The following ZFPM2 variants were observed in gnomAD, a reference collection of about 807,000 sequenced individuals.
The protein encoded by ZFPM2 is zinc finger protein, FOG family member 2.
ZFPM2 carries 20 observed loss-of-function variants against 98.6 expected under a neutral mutation model. The ratio of observed to expected loss-of-function variants is 0.20; its 90% CI spans 0.14 to 0.29. The LOEUF (loss-of-function observed/expected upper bound fraction) is 0.29, where lower values mean the gene tolerates loss of function less well. Ranked by LOEUF, ZFPM2 falls within the 10% of genes least tolerant of loss-of-function variation. The probability of loss-of-function intolerance (pLI) is 1.00; values close to 1 mark genes in which losing one functional copy is unlikely to be tolerated. For missense variants in ZFPM2, 1,310 were observed against 1,388.6 expected, an observed-to-expected ratio of 0.94 and a Z score of 0.90; for synonymous variants, 518 against 502.7, an observed-to-expected ratio of 1.03 and a Z score of -0.41.
intron 4 of ZFPM2, among the ~76,000 whole-genome samples, chr8:105,620,288 A>G (rs1027058960): frequency 4.4e-4 from 67 of 152,214 alleles, no homozygotes; most frequent in African/African-American, 1.6e-3. Flanking sequence ...GCCAGTGATG[A>G]TGAGCATTTT....
chr8:105,745,596 C>T (rs1812324384), intron 5 of ZFPM2, among the ~76,000 whole-genome samples: 1 of 151,998 alleles, frequency 6.6e-6, no homozygotes, highest in Non-Finnish European at 1.5e-5. Context: ...TTTTAGCTTG[C>T]TTCACTTTTG....
chr8:105,441,059 G>A (rs1378728824), intron 2 of ZFPM2, among the ~76,000 whole-genome samples: 2 of 152,084 alleles, frequency 1.3e-5, no homozygotes, highest in African/African-American at 4.8e-5. Context: ...GGAGGCTGAG[G>A]CAGAAGAATC....
chr8:105,422,068 A>AG (rs1260533986), intron 2 of ZFPM2, among the ~76,000 whole-genome samples: 9 of 151,692 alleles, frequency 5.9e-5, no homozygotes, highest in Non-Finnish European at 1.3e-4. Context: ...AAAAAAAAAA[A>AG]AGGTAGAAGT....
At chr8:105,433,661 C>G (rs1812063248) in intron 2 of ZFPM2, among the ~76,000 whole-genome samples, 1 of 152,032 alleles carries the variant, frequency 6.6e-6, no homozygotes, top group Non-Finnish European at 1.5e-5. Context: ...GTGGCGGGAG[C>G]CTGTAGTCCC....
chr8:105,593,971 C>T (rs1815909798), intron 4 of ZFPM2, among the ~76,000 whole-genome samples: 1 of 152,148 alleles, frequency 6.6e-6, no homozygotes, highest in Non-Finnish European at 1.5e-5. Flanking sequence ...AACAGTGCTC[C>T]TCTGCTGACC....
intron 4 of ZFPM2, among the ~76,000 whole-genome samples, chr8:105,610,707 C>T (rs886277805): frequency 2.6e-5 from 4 of 152,024 alleles, no homozygotes; most frequent in Non-Finnish European, 5.9e-5. Context: ...AAGAGTGGAC[C>T]AGTGACACTA....
intron 3 of ZFPM2, among the ~76,000 whole-genome samples, chr8:105,453,646 GT>G (rs1003287619): frequency 6.7e-6 from 1 of 150,348 alleles, no homozygotes; most frequent in South Asian, 2.1e-4. Context: ...GTTTTGTTTT[GT>G]TTTTTTCTTT....
chr8:105,619,110 G>T (rs1179256841), intron 4 of ZFPM2, among the ~76,000 whole-genome samples: 1 of 152,090 alleles, frequency 6.6e-6, no homozygotes, highest in Non-Finnish European at 1.5e-5. Flanking sequence ...TATTTTTAGA[G>T]ACTTTTATTT....
intron 3 of ZFPM2, among the ~76,000 whole-genome samples, chr8:105,448,278 T>A (rs1216830559): frequency 6.6e-6 from 1 of 152,068 alleles, no homozygotes; most frequent in Non-Finnish European, 1.5e-5. Flanking sequence ...ACTATTCTGG[T>A]TTTTCATCTG....
chr8:105,746,654 A>ATTTTTTTTTTTTTTTTTTTT (rs1563546914), intron 5 of ZFPM2, among the ~76,000 whole-genome samples: 1 of 112,052 alleles, frequency 8.9e-6, no homozygotes. Flanking sequence ...TGTTTTTAAA[A>ATTTTTTTTTTTTTTTTTTTT]ATTTTTTTTT....
chr8:105,589,560 G>A (rs1815799247), intron 4 of ZFPM2, among the ~76,000 whole-genome samples: 1 of 152,128 alleles, frequency 6.6e-6, no homozygotes, highest in African/African-American at 2.4e-5. Context: ...ACATAAAAGA[G>A]TACTTTTTTG....
chr8:105,714,339 C>A (rs1366939245), intron 5 of ZFPM2, among the ~76,000 whole-genome samples: 1 of 151,926 alleles, frequency 6.6e-6, no homozygotes, highest in East Asian at 1.9e-4. Flanking sequence ...TTACTGAAGT[C>A]TTTTATCAGA....
intron 5 of ZFPM2, among the ~76,000 whole-genome samples, chr8:105,764,342 A>T (rs182031794): frequency 6.6e-6 from 1 of 151,484 alleles, no homozygotes; most frequent in Non-Finnish European, 1.5e-5. Flanking sequence ...GGAAATACTC[A>T]AAATCAAATT....
At chr8:105,538,641 T>A (rs1252426168) in intron 3 of ZFPM2, among the ~76,000 whole-genome samples, 1 of 152,124 alleles carries the variant, frequency 6.6e-6, no homozygotes, top group Non-Finnish European at 1.5e-5. Flanking sequence ...TATGGGCTTT[T>A]TTTTTTAGTC....
intron 3 of ZFPM2, among the ~76,000 whole-genome samples, chr8:105,496,015 G>T (rs1242771317): frequency 1.3e-5 from 2 of 152,116 alleles, no homozygotes; most frequent in Non-Finnish European, 2.9e-5. Flanking sequence ...TTACAAAAAA[G>T]CCGGGAATTA....
rs1286378724 is a variant in ZFPM2, at chr8:105,591,037, C to G, written c.420+29556C>G. ...TAGTGGGGTAACAACTACCCTTGTTCTCTTAAAATAGCTTCAGTTTTCAGA... is the reference window on the plus strand; with the variant it reads ...TAGTGGGGTAACAACTACCCTTGTTGTCTTAAAATAGCTTCAGTTTTCAGA... On this transcript the variant is annotated intron_variant, in intron 4 of 7. Transcript: ENST00000407775. 2.0e-5 allele frequency among the ~76,000 whole-genome samples: 3 copies of G among 152,098 alleles called. No individual in the cohort carries two copies. In the East Asian group the frequency reaches 5.8e-4, roughly 29 times the overall value.
intron 5 of ZFPM2, among the ~76,000 whole-genome samples, chr8:105,726,165 C>G (rs1811802427): frequency 6.7e-6 from 1 of 149,896 alleles, no homozygotes; most frequent in Non-Finnish European, 1.5e-5. Flanking sequence ...GCGTCTGGCT[C>G]AGATGTTGTG....
intron 1 of ZFPM2, among the ~76,000 whole-genome samples, chr8:105,369,356 AG>A (rs1810574510): frequency 6.6e-6 from 1 of 152,222 alleles, no homozygotes; most frequent in Non-Finnish European, 1.5e-5. Context: ...GGTATCATGC[AG>A]AAATAGGAGG....
In ZFPM2 at chr8:105,796,508, A is replaced by ATAAT. The variant is rs1454538757; in HGVS notation, c.740-2210_740-2207dup. Reference sequence around the variant, plus strand: ...GTTAAATAATAAACAGTAGTAGCATATAATTAATTTTAAAATTAAATGTTA... The same window carrying ATAAT: ...GTTAAATAATAAACAGTAGTAGCATATAATTAATTAATTTTAAAATTAAATGTTA... On this transcript the variant is annotated intron_variant, in intron 6 of 7. Transcript: ENST00000407775. Among the ~76,000 whole-genome samples the ATAAT allele has an allele frequency of 3.3e-5, 5 of 152,366 alleles. No homozygotes were observed. In the East Asian group the frequency reaches 7.7e-4, roughly 23 times the overall value.
Sources: gnomAD v4.1 joint callset for allele counts (sites outside exome capture counted in the v4.1 genomes callset) on GRCh38, gnomAD v4.1.1 for gene constraint, MANE v1.5 for transcripts, NCBI Gene and HGNC (gene_info 2026-07-23, HGNC 2026-07-21) for gene names.